The following HS3ST4 variants were observed in gnomAD, a reference collection of about 807,000 sequenced individuals.
The protein encoded by HS3ST4 is heparan sulfate glucosamine 3-O-sulfotransferase 4.
A neutral mutation model predicts 29.2 loss-of-function variants in HS3ST4; 17 were observed. The ratio of observed to expected loss-of-function variants is 0.58; its 90% CI spans 0.40 to 0.87. HS3ST4 has a LOEUF of 0.87. Ranked by LOEUF, HS3ST4 falls within the 40% of genes least tolerant of loss-of-function variation. HS3ST4 has a pLI of 0.00. For synonymous variants in HS3ST4, 314 were observed against 285.7 expected, an observed-to-expected ratio of 1.10 and a Z score of -1.00; for missense variants, 627 against 634.5, an observed-to-expected ratio of 0.99 and a Z score of 0.13.
intron 1 of HS3ST4, among the ~76,000 whole-genome samples, chr16:25,787,681 T>C (rs1024965153): frequency 6.6e-6 from 1 of 152,120 alleles, no homozygotes; most frequent in African/African-American, 2.4e-5. Flanking sequence ...GCTCACACCT[T>C]TGTGGGGCTG....
chr16:25,870,636 T>C (rs1967741459), intron 1 of HS3ST4, among the ~76,000 whole-genome samples: 1 of 152,062 alleles, frequency 6.6e-6, no homozygotes, highest in African/African-American at 2.4e-5. Flanking sequence ...GACTTTTTAG[T>C]CCGAGATGGA....
intron 1 of HS3ST4, among the ~76,000 whole-genome samples, chr16:25,779,815 A>C (rs1966851041): frequency 6.6e-6 from 1 of 152,138 alleles, no homozygotes; most frequent in East Asian, 1.9e-4. Context: ...AACAACACCC[A>C]CTGCTGTTTA....
chr16:25,711,007 G>A (rs1030938924), intron 1 of HS3ST4, among the ~76,000 whole-genome samples: 6 of 150,460 alleles, frequency 4.0e-5, no homozygotes, highest in Admixed American at 1.3e-4. Flanking sequence ...TTTTTGTGTA[G>A]TGATGGGGTC....
At chr16:25,980,783 C>T (rs1361732923) in intron 1 of HS3ST4, among the ~76,000 whole-genome samples, 1 of 152,132 alleles carries the variant, frequency 6.6e-6, no homozygotes, top group Non-Finnish European at 1.5e-5. Context: ...TCCCTAGACA[C>T]AGGAAGCACA....
At chr16:25,830,770 C>T (rs904411647) in intron 1 of HS3ST4, among the ~76,000 whole-genome samples, 6 of 151,664 alleles carry the variant, frequency 4.0e-5, no homozygotes, top group African/African-American at 1.2e-4. Flanking sequence ...TACATCTATA[C>T]GATCACAGCT....
At chr16:25,961,132 A>T (rs569470319) in intron 1 of HS3ST4, among the ~76,000 whole-genome samples, 94 of 152,340 alleles carry the variant, frequency 6.2e-4, no homozygotes, top group African/African-American at 2.2e-3. Context: ...TTTGGAAGAA[A>T]GGAGAGAGCA....
rs562971298 is a variant in HS3ST4, at chr16:26,041,114, G to A, written c.735-94498G>A. 9.9e-5 allele frequency among the ~76,000 whole-genome samples: 15 copies of A among 152,260 alleles called. No individual in the cohort carries two copies. The East Asian group carries it at 2.5e-3, about 26-fold the overall frequency. On this transcript the variant is annotated intron_variant, in intron 1 of 1. Coordinates refer to ENST00000331351, the MANE Select transcript of HS3ST4 (RefSeq NM_006040.3). ...CTATTTGGTGAGGCTGAGGTGGGAG[G>A]ATCACTTGAGACCAGGAGTTTGAGA...
chr16:26,050,675 G>A (rs1481607543), intron 1 of HS3ST4, among the ~76,000 whole-genome samples: 1 of 152,124 alleles, frequency 6.6e-6, no homozygotes, highest in South Asian at 2.1e-4. Context: ...AGCAATTTGA[G>A]CTCCTTGAGC....
chr16:25,977,649 C>T (rs369437446), intron 1 of HS3ST4, among the ~76,000 whole-genome samples: 2 of 152,206 alleles, frequency 1.3e-5, no homozygotes, highest in South Asian at 2.1e-4. Flanking sequence ...AAACATAACA[C>T]TATTAACACT....
intron 1 of HS3ST4, among the ~76,000 whole-genome samples, chr16:25,751,216 C>T (rs1966717291): frequency 6.6e-6 from 1 of 152,142 alleles, no homozygotes; most frequent in African/African-American, 2.4e-5. Flanking sequence ...ACTCCTTTTG[C>T]CTTTTGAATA....
At chr16:25,869,790 A>G (rs1307109120) in intron 1 of HS3ST4, among the ~76,000 whole-genome samples, 1 of 152,206 alleles carries the variant, frequency 6.6e-6, no homozygotes, top group Non-Finnish European at 1.5e-5. Flanking sequence ...GTTGGCATTT[A>G]TTAAATTATG....
rs779882841 is a variant in HS3ST4, at chr16:26,136,268, G to A, written c.*20G>A. The A allele has an allele frequency of 6.3e-7, 1 of 1,598,388 alleles. No homozygotes were observed. On this transcript the variant is annotated 3_prime_UTR_variant, in exon 2 of 2. Transcript: ENST00000331351. ...AAATGAGGCTAGAGAGGCAGAGGAA[G>A]GCTAGTCAATAAGCTAAGGAGGCTC...
chr16:25,714,263 G>A (rs976935541), intron 1 of HS3ST4, among the ~76,000 whole-genome samples: 3 of 152,082 alleles, frequency 2.0e-5, no homozygotes, highest in African/African-American at 7.2e-5. Flanking sequence ...CCTCCTTCCC[G>A]CACTGCCAAC....
intron 1 of HS3ST4, among the ~76,000 whole-genome samples, chr16:25,862,784 C>G (rs1198619190): frequency 2.0e-5 from 3 of 152,224 alleles, no homozygotes; most frequent in African/African-American, 7.2e-5. Context: ...ACATGACTTT[C>G]TCTCTTACAG....
intron 1 of HS3ST4, among the ~76,000 whole-genome samples, chr16:25,918,869 T>C (rs115089095): frequency 7.4e-4 from 112 of 152,226 alleles, no homozygotes; most frequent in African/African-American, 2.7e-3. Context: ...GTAGGGGTCA[T>C]GTAGGTAGTA....
chr16:25,928,569 G>T lies in HS3ST4; in HGVS notation c.735-207043G>T, dbSNP rs372754835. 5.3e-5 allele frequency among the ~76,000 whole-genome samples: 8 copies of T among 152,266 alleles called. No homozygotes were observed. In the East Asian group the frequency reaches 1.5e-3, roughly 29 times the overall value. ...GAATTCATGTGGCCTCCTATGCTTT[G>T]CTTCCAAGATAGAGTACTGTCATCT... is the stretch of plus-strand genomic sequence containing the variant. On this transcript the variant is annotated intron_variant, in intron 1 of 1. Coordinates refer to ENST00000331351, the MANE Select transcript of HS3ST4 (RefSeq NM_006040.3).
At chr16:25,890,158 C>T (rs1413982453) in intron 1 of HS3ST4, among the ~76,000 whole-genome samples, 2 of 152,212 alleles carry the variant, frequency 1.3e-5, no homozygotes, top group South Asian at 2.1e-4. Flanking sequence ...ATTATTCCCT[C>T]TATACTGAGG....
intron 1 of HS3ST4, among the ~76,000 whole-genome samples, chr16:26,061,659 T>C (rs1464729874): frequency 6.6e-6 from 1 of 152,186 alleles, no homozygotes; most frequent in South Asian, 2.1e-4. Flanking sequence ...AGCTCAGGAA[T>C]AGGAAAAGGA....
At chr16:25,902,492 A>G (rs1442400956) in intron 1 of HS3ST4, among the ~76,000 whole-genome samples, 3 of 152,148 alleles carry the variant, frequency 2.0e-5, no homozygotes, top group Non-Finnish European at 4.4e-5. Context: ...TCTCAAAAAA[A>G]AGAAAATAAA....
Sources: allele counts gnomAD v4.1 joint callset (sites outside exome capture counted in the v4.1 genomes callset), GRCh38; gene constraint gnomAD v4.1.1; transcripts MANE v1.5; gene names NCBI Gene and HGNC (gene_info 2026-07-23, HGNC 2026-07-21).